SIPA1L3: variants seen among roughly 807,000 people sequenced by gnomAD.
SIPA1L3 encodes signal-induced proliferation-associated 1-like protein 3.
SIPA1L3 carries 59 observed loss-of-function variants against 150.1 expected under a neutral mutation model. That is an observed-to-expected ratio of 0.39 (90% CI 0.32 to 0.49). SIPA1L3 has a LOEUF of 0.49. Among genes scored for constraint, SIPA1L3 ranks in the 20% least tolerant of loss-of-function variants. The pLI, the probability that SIPA1L3 is intolerant of heterozygous loss-of-function variation, is 0.86. For missense variants in SIPA1L3, 2,211 were observed against 2,489.5 expected, an observed-to-expected ratio of 0.89 and a Z score of 2.38; for synonymous variants, 1,070 against 1,077.6, an observed-to-expected ratio of 0.99 and a Z score of 0.14.
Position 38,156,130 on chromosome 19 carries a change from C to A in SIPA1L3, c.3661+3163C>A, listed in dbSNP as rs115115984. On this transcript the variant is annotated intron_variant, in intron 13 of 21. Transcript: ENST00000222345. ...GTGGTTGGGCTTCAGGGAAGCAGGT[C>A]GAACTGCTGGGGCCTCAGCCTCTTT... 4.0e-3 allele frequency among the ~76,000 whole-genome samples: 609 copies of A among 152,146 alleles called. 9 individuals are homozygous for A. Among genetic ancestry groups the A allele is most frequent in the African/African-American group, 0.014 (583 of 41,520 alleles).
rs191305653 is a variant in SIPA1L3, at chr19:37,988,873, G to A, written c.-378-40216G>A. On this transcript the variant is annotated intron_variant, in intron 1 of 21. Coordinates refer to ENST00000222345, the MANE Select transcript of SIPA1L3 (RefSeq NM_015073.3). ...CGTTCGCTCTCCAGGATCTCTGCGC[G>A]GGCCGTCCTCCCTCCCACTCCACAC... is the stretch of plus-strand genomic sequence containing the variant. Among the ~76,000 whole-genome samples the A allele has an allele frequency of 1.9e-3, 295 of 152,128 alleles. 2 individuals carry two copies. Among genetic ancestry groups the A allele is most frequent in the African/African-American group, 6.9e-3 (286 of 41,480 alleles).
rs79543230 is a variant in SIPA1L3, at chr19:38,150,366, G to C, written c.3534-2474G>C. Among the ~76,000 whole-genome samples the C allele has an allele frequency of 7.9e-5, 12 of 152,134 alleles. No individual in the cohort carries two copies. In the East Asian group the frequency reaches 2.1e-3, roughly 27 times the overall value. On this transcript the variant is annotated intron_variant, in intron 12 of 21. Coordinates refer to ENST00000222345, the MANE Select transcript of SIPA1L3 (RefSeq NM_015073.3). ...GGGATTAGGGCAGGGTCCCTGTAGA[G>C]ACAGTCCTGGCTTTGAGCTGGCAGG...
intron 2 of SIPA1L3, among the ~76,000 whole-genome samples, chr19:38,044,895 G>A (rs35445607): frequency 0.051 from 7,825 of 152,108 alleles, 294 homozygotes; most frequent in East Asian, 0.1. Context: ...CAGGACTGAC[G>A]TGGCATCCCC....
intron 16 of SIPA1L3, among the ~76,000 whole-genome samples, chr19:38,186,442 A>G (rs1167594097): frequency 1.3e-5 from 2 of 152,030 alleles, no homozygotes; most frequent in East Asian, 3.9e-4. Flanking sequence ...CCTACCAAGT[A>G]GCTGGGACTA....
Position 38,182,650 on chromosome 19 carries a change from C to T in SIPA1L3, c.4340C>T (p.Ser1447Phe). 1.9e-6 allele frequency: 3 copies of T among 1,614,210 alleles called. No homozygotes were observed. Among genetic ancestry groups the T allele is most frequent in the Non-Finnish European group, 2.5e-6 (3 of 1,180,022 alleles). ...LSASVPKSFF[S>F]KQPVRNKHPT... is the part of the protein sequence containing the mutation. ...GCCTCCGTCCCCAAGTCCTTCTTCT[C>T]CAAGCAGCCTGTACGCAATAAGCAC... Residue 1447 changes from serine (S) to phenylalanine (F), a missense_variant, in exon 16 of 22, where the codon TCC (serine) becomes TTC (phenylalanine). By Grantham distance (155) the Ser-to-Phe change is radical. Transcript: ENST00000222345.
intron 1 of SIPA1L3, among the ~76,000 whole-genome samples, chr19:38,008,515 C>T (rs915243392): frequency 3.3e-5 from 5 of 152,010 alleles, no homozygotes; most frequent in African/African-American, 1.2e-4. Context: ...AGACGTGAGC[C>T]ACCGCTCCTG....
intron 2 of SIPA1L3, among the ~76,000 whole-genome samples, chr19:38,050,495 T>C (rs1194258289): frequency 6.6e-6 from 1 of 152,172 alleles, no homozygotes; most frequent in Non-Finnish European, 1.5e-5. Context: ...CTAACACATA[T>C]GTGATCTGAA....
chr19:38,142,522 G>A, intron 11 of SIPA1L3, 51 bp from the exon 12 acceptor site: 1 of 1,553,648 alleles, frequency 6.4e-7, no homozygotes, highest in Non-Finnish European at 8.8e-7. Context: ...CCCAGGGCAG[G>A]GGTACCCTCC....
chr19:37,927,102 C>T (rs1279530564), intron 1 of SIPA1L3, among the ~76,000 whole-genome samples: 1 of 150,248 alleles, frequency 6.7e-6, no homozygotes, highest in African/African-American at 2.5e-5. Context: ...GATCCTGTCA[C>T]TCAAATAGTG....
intron 1 of SIPA1L3, among the ~76,000 whole-genome samples, chr19:38,026,268 T>TCAAC (rs1968508502): frequency 6.6e-6 from 1 of 152,144 alleles, no homozygotes; most frequent in Non-Finnish European, 1.5e-5. Context: ...ACTAGTAGAT[T>TCAAC]CAACCAACTT....
Position 38,142,581 on chromosome 19 carries a change from G to T in SIPA1L3, c.3404G>T (p.Ser1135Ile). Residue 1135 changes from serine (S) to isoleucine (I), a missense_variant, in exon 12 of 22, where the codon AGC becomes ATC. Physicochemically the swap from Ser to Ile is moderately radical, Grantham distance 142. Coordinates refer to ENST00000222345, the MANE Select transcript of SIPA1L3 (RefSeq NM_015073.3). Reference protein sequence around the residue: ...SQPLHSKRPVSFPETPYTVSP... With the variant: ...SQPLHSKRPVIFPETPYTVSP... ...CCCCTGTCTCCTTCTAGGCCTGTCAGCTTCCCAGAAACCCCTTACACAGTA... is the reference window on the plus strand; with the variant it reads ...CCCCTGTCTCCTTCTAGGCCTGTCATCTTCCCAGAAACCCCTTACACAGTA... 2 of 1,608,246 alleles carry T rather than the reference G, an allele frequency of 1.2e-6. No individual in the cohort carries two copies. Among genetic ancestry groups the T allele is most frequent in the Non-Finnish European group, 1.7e-6 (2 of 1,175,876 alleles).
intron 1 of SIPA1L3, among the ~76,000 whole-genome samples, chr19:37,950,953 G>C (rs2046758307): frequency 6.6e-6 from 1 of 152,250 alleles, no homozygotes; most frequent in South Asian, 2.1e-4. Flanking sequence ...TGGAGCATCT[G>C]CTCCCGCAGG....
At position 38,201,875 on chromosome 19, in the gene SIPA1L3, C is replaced by T. The variant is rs1415082940; in HGVS notation, c.4998C>T (p.Val1666=). 1.9e-6 allele frequency: 3 copies of T among 1,611,992 alleles called. No individual in the cohort carries two copies. The highest frequency in any genetic ancestry group is 2.5e-6 in the Non-Finnish European group (3 of 1,179,068). ...AAKAYEVQRA[V]SLFSLNDPAL... is the part of the protein sequence containing the mutation. Reference sequence around the variant, plus strand: ...CCTCCCTGGCAGTGCAAAGAGCCGTCTCACTCTTCTCTCTGAACGACCCGG... The same window carrying T: ...CCTCCCTGGCAGTGCAAAGAGCCGTTTCACTCTTCTCTCTGAACGACCCGG... The change falls in exon 20 of 22, where the codon GTC becomes GTT. Residue 1666 remains valine, a synonymous_variant. Transcript: ENST00000222345.
At chr19:37,952,157 G>A (rs1403931936) in intron 1 of SIPA1L3, among the ~76,000 whole-genome samples, 1 of 152,112 alleles carries the variant, frequency 6.6e-6, no homozygotes, top group East Asian at 1.9e-4. Context: ...ATGCTGCTGG[G>A]GGCCTGGGGA....
chr19:38,066,825 C>CA (rs1429077564), intron 2 of SIPA1L3, among the ~76,000 whole-genome samples: 1 of 150,914 alleles, frequency 6.6e-6, no homozygotes, highest in Admixed American at 6.6e-5. Flanking sequence ...GATTCCATCT[C>CA]AAAAAAGTAA....
chr19:38,025,751 A>C (rs1235084882), intron 1 of SIPA1L3, among the ~76,000 whole-genome samples: 1 of 152,182 alleles, frequency 6.6e-6, no homozygotes, highest in Admixed American at 6.5e-5. Flanking sequence ...TAAAATGGGA[A>C]GTCTAGTGAT....
At chr19:38,022,439 A>C (rs899714046) in intron 1 of SIPA1L3, among the ~76,000 whole-genome samples, 3 of 150,756 alleles carry the variant, frequency 2.0e-5, no homozygotes, top group Non-Finnish European at 4.4e-5. Flanking sequence ...AAGAAGAAAA[A>C]CTGTAATCCC....
chr19:38,180,024 A>G (rs1176975757), intron 15 of SIPA1L3, among the ~76,000 whole-genome samples: 1 of 152,120 alleles, frequency 6.6e-6, no homozygotes, highest in Non-Finnish European at 1.5e-5. Flanking sequence ...TATTTTTAGT[A>G]GAGATGGGGT....
chr19:38,036,499 G>A (rs1968791544), intron 2 of SIPA1L3, among the ~76,000 whole-genome samples: 1 of 152,100 alleles, frequency 6.6e-6, no homozygotes, highest in South Asian at 2.1e-4. Flanking sequence ...TGCCCCCTCA[G>A]GAGCACAGAG....
Sources: allele counts gnomAD v4.1 joint callset (sites outside exome capture counted in the v4.1 genomes callset), GRCh38; gene constraint gnomAD v4.1.1; transcripts MANE v1.5; gene names NCBI Gene and HGNC (gene_info 2026-07-23, HGNC 2026-07-21).